FANCM: variants seen among roughly 807,000 people sequenced by gnomAD.
The protein encoded by FANCM is Fanconi anemia group M protein.
FANCM carries 140 observed loss-of-function variants against 199.5 expected under a neutral mutation model. The ratio of observed to expected loss-of-function variants is 0.70; its 90% CI spans 0.61 to 0.81. FANCM has a LOEUF of 0.81. FANCM is among the 30% of genes least tolerant of loss of function. The probability of loss-of-function intolerance (pLI) is 0.00; values close to 1 mark genes in which losing one functional copy is unlikely to be tolerated. For missense variants in FANCM, 2,410 were observed against 2,421.4 expected, an observed-to-expected ratio of 1.00 and a Z score of 0.10; for synonymous variants, 840 against 836.8, an observed-to-expected ratio of 1.00 and a Z score of -0.07.
chr14:45,177,190 C>T (rs995641714), intron 14 of FANCM, among the ~76,000 whole-genome samples: 1 of 150,152 alleles, frequency 6.7e-6, no homozygotes. Flanking sequence ...AAAAGTTATT[C>T]TTGCTAGACA....
intron 9 of FANCM, among the ~76,000 whole-genome samples, chr14:45,160,019 T>C (rs1043204375): frequency 7.2e-6 from 1 of 139,582 alleles, no homozygotes; most frequent in Admixed American, 7.2e-5. Flanking sequence ...TTTTTTTTTT[T>C]AGATGGAATC....
chr14:45,186,656 T>A (rs868318262), intron 18 of FANCM, among the ~76,000 whole-genome samples: 2 of 152,346 alleles, frequency 1.3e-5, no homozygotes, highest in South Asian at 4.1e-4. Flanking sequence ...ATGTCCTTGA[T>A]GTTCATTAAC....
intron 3 of FANCM, among the ~76,000 whole-genome samples, chr14:45,141,981 A>G (rs969621034): frequency 1.1e-4 from 17 of 152,032 alleles, no homozygotes; most frequent in Admixed American, 3.3e-4. Context: ...TAAATAGTAA[A>G]ATGATTTTTA....
chr14:45,140,533 G>A, intron 2 of FANCM, 99 bp from the exon 3 acceptor site: 2 of 741,706 alleles, frequency 2.7e-6, no homozygotes, highest in Non-Finnish European at 4.9e-6. Context: ...TACTGATGAA[G>A]GAATAATGAT....
rs1318490480 is a variant in FANCM at position 45,143,882 on chromosome 14, C to CG, written c.759+3177dup. On this transcript the variant is annotated intron_variant, in intron 3 of 22. Transcript: ENST00000267430. Reference sequence around the variant, plus strand: ...CTAATTTTTGTATTTTTAGTGGAGACGGGGTTTCACCATGTTGGTCAGGCT... The same window carrying CG: ...CTAATTTTTGTATTTTTAGTGGAGACGGGGGTTTCACCATGTTGGTCAGGCT... Among the ~76,000 whole-genome samples, 4 of 151,572 alleles carry CG rather than the reference C, an allele frequency of 2.6e-5. No homozygotes were observed. In the South Asian group the frequency reaches 8.3e-4, roughly 32 times the overall value.
At position 45,196,328 on chromosome 14, in the gene FANCM, G is replaced by C; in HGVS notation, c.5497G>C (p.Val1833Leu). The change falls in exon 21 of 23, where the codon GTA (valine) becomes CTA (leucine). Residue 1833 changes from valine (V) to leucine (L), a missense_variant. Val to Leu is a conservative substitution (Grantham distance 32). Coordinates refer to ENST00000267430, the MANE Select transcript of FANCM (RefSeq NM_020937.4). ...GGHEITSGLE[V>L]ISSLRAIHGL... ...TCATGAAATCACTTCTGGATTAGAA[G>C]TAATTTCTTCCCTAAGAGCAATTCA... 1 of 1,614,164 alleles carries C rather than the reference G, an allele frequency of 6.2e-7. No homozygotes were observed. Among genetic ancestry groups the C allele is most frequent in the South Asian group, 1.1e-5 (1 of 91,076 alleles).
chr14:45,153,877 C>T (rs760844279), intron 5 of FANCM, 43 bp from the exon 6 acceptor site: 1 of 1,549,890 alleles, frequency 6.5e-7, no homozygotes. Context: ...CATGTATGTT[C>T]ATTTATTTCT....
At chr14:45,156,265 C>G (rs1887182767) in intron 8 of FANCM, among the ~76,000 whole-genome samples, 2 of 152,054 alleles carry the variant, frequency 1.3e-5, no homozygotes, top group Admixed American at 6.5e-5. Context: ...TTAAACAGAC[C>G]AGTGTGGTTA....
At chr14:45,150,423 T>C (rs1056060888) in intron 4 of FANCM, among the ~76,000 whole-genome samples, 1 of 152,144 alleles carries the variant, frequency 6.6e-6, no homozygotes, top group Admixed American at 6.5e-5. Flanking sequence ...ATCAGCAAAG[T>C]TGGAAGGGAG....
chr14:45,140,836 T>A (rs530074998), intron 3 of FANCM, 127 bp downstream of exon 3: 100 of 713,272 alleles, frequency 1.4e-4, no homozygotes, highest in Non-Finnish European at 8.3e-5. Context: ...AGGCCAGGAA[T>A]TCCAGACCAG....
intron 13 of FANCM, 81 bp from the exon 14 acceptor site, chr14:45,174,990 T>C (rs1888569316): frequency 2.7e-6 from 2 of 749,516 alleles, no homozygotes; most frequent in South Asian, 3.2e-5. Flanking sequence ...TATTTTAATA[T>C]AGAGTGAAAC....
chr14:45,146,209 C>G (rs1053604206), intron 3 of FANCM, among the ~76,000 whole-genome samples: 33 of 147,032 alleles, frequency 2.2e-4, no homozygotes, highest in Middle Eastern at 3.6e-3. Flanking sequence ...GCATGGCACT[C>G]CAGCCTGGGT....
chr14:45,145,721 G>T (rs1345289741), intron 3 of FANCM, among the ~76,000 whole-genome samples: 1 of 152,028 alleles, frequency 6.6e-6, no homozygotes, highest in African/African-American at 2.4e-5. Flanking sequence ...TCAGGAGATC[G>T]AGACCACACT....
Position 45,193,592 on chromosome 14 carries a change from T to G in FANCM, c.5341-2580T>G, listed in dbSNP as rs1349514160. 2.0e-5 allele frequency among the ~76,000 whole-genome samples: 3 copies of G among 152,332 alleles called. No homozygotes were observed. In the East Asian group the frequency reaches 5.8e-4, roughly 29 times the overall value. On this transcript the variant is annotated intron_variant, in intron 20 of 22. Coordinates refer to ENST00000267430, the MANE Select transcript of FANCM (RefSeq NM_020937.4). ...GATATAAAAGTCCAGCTTTTGTTGT[T>G]GGTGGTGCATGGCTATCTTGCTTAA...
At chr14:45,140,555 T>C in intron 2 of FANCM, 77 bp from the exon 3 acceptor site, 2 of 786,800 alleles carry the variant, frequency 2.5e-6, no homozygotes, top group East Asian at 4.9e-5. Context: ...AGGGACCATG[T>C]ATAATAGGTT....
chr14:45,152,077 G>A lies in FANCM; in HGVS notation c.1050+549G>A, dbSNP rs893083777. On this transcript the variant is annotated intron_variant, in intron 5 of 22. Coordinates refer to ENST00000267430, the MANE Select transcript of FANCM (RefSeq NM_020937.4). Reference sequence around the variant, plus strand: ...AGAATTTCGCTCTATTGCCCAAGCCGGTGTGCAGTGGTGTGACCTTGGCTC... The same window carrying A: ...AGAATTTCGCTCTATTGCCCAAGCCAGTGTGCAGTGGTGTGACCTTGGCTC... 5.4e-5 allele frequency among the ~76,000 whole-genome samples: 8 copies of A among 149,268 alleles called. No homozygotes were observed. The South Asian group carries it at 6.3e-4, about 12-fold the overall frequency.
At chr14:45,140,450 T>C (rs1885828831) in intron 2 of FANCM, among the ~76,000 whole-genome samples, 182 bp from the exon 3 acceptor site, 1 of 152,222 alleles carries the variant, frequency 6.6e-6, no homozygotes, top group South Asian at 2.1e-4. Context: ...TTGATCAGCA[T>C]AGAGAATAAA....
chr14:45,170,394 G>T (rs1429650342), intron 11 of FANCM, among the ~76,000 whole-genome samples, 195 bp from the exon 12 acceptor site: 1 of 152,150 alleles, frequency 6.6e-6, no homozygotes, highest in Non-Finnish European at 1.5e-5. Flanking sequence ...GGGCCTGGTG[G>T]CATGAGCCTG....
intron 3 of FANCM, 21 bp from the exon 4 acceptor site, chr14:45,148,816 T>C: frequency 6.4e-7 from 1 of 1,564,782 alleles, no homozygotes. Flanking sequence ...TTTATAATCA[T>C]ACTTAATTGA....
Sources: gnomAD v4.1 joint callset for allele counts (sites outside exome capture counted in the v4.1 genomes callset) on GRCh38, gnomAD v4.1.1 for gene constraint, MANE v1.5 for transcripts, NCBI Gene and HGNC (gene_info 2026-07-23, HGNC 2026-07-21) for gene names.